Variants in ROBO2 observed in about 807,000 individuals in gnomAD.
ROBO2 encodes the protein roundabout homolog 2.
Under a neutral mutation model 160.8 loss-of-function variants are expected in ROBO2, and 53 were observed. The observed-to-expected ratio is 0.33, with a 90% confidence interval of 0.26 to 0.41. The LOEUF is 0.41. ROBO2 is among the 10% of genes least tolerant of loss of function. The pLI is 1.00. For synonymous variants in ROBO2, 664 were observed against 611.7 expected (o/e 1.09, Z -1.26); for missense variants, 1,577 against 1,722.4 (o/e 0.92, Z 1.49).
At chr3:76,401,519 A>G (rs59622449) in intron 2 of ROBO2, among the ~76,000 whole-genome samples, 2 of 151,736 alleles carry the variant, frequency 1.3e-5, no homozygotes, top group East Asian at 1.9e-4. Flanking sequence ...AACAAAGGCA[A>G]TGAAGGTGAT....
chr3:77,295,078 A>G (rs1459128525), intron 2 of ROBO2, among the ~76,000 whole-genome samples: 3 of 151,420 alleles, frequency 2.0e-5, no homozygotes, highest in African/African-American at 7.3e-5. Flanking sequence ...CTAGAGCACT[A>G]AAGACATAAA....
intron 2 of ROBO2, among the ~76,000 whole-genome samples, chr3:77,464,454 G>T (rs1187860673): frequency 6.6e-6 from 1 of 152,132 alleles, no homozygotes; most frequent in Non-Finnish European, 1.5e-5. Flanking sequence ...CTGAAGAAAG[G>T]CCTGAGGAAA....
chr3:76,370,744 C>T (rs1324085161), intron 2 of ROBO2, among the ~76,000 whole-genome samples: 1 of 151,852 alleles, frequency 6.6e-6, no homozygotes, highest in Non-Finnish European at 1.5e-5. Flanking sequence ...TCTAGGGCAG[C>T]AACAAAAATA....
At chr3:77,584,930 A>G (rs536066361) in intron 16 of ROBO2, among the ~76,000 whole-genome samples, 6 of 149,560 alleles carry the variant, frequency 4.0e-5, no homozygotes, top group Non-Finnish European at 8.9e-5. Flanking sequence ...ATACATATAT[A>G]TACATATATA....
In ROBO2 at chr3:76,349,939, T is replaced by C. The variant is rs138159634; in HGVS notation, c.109+412337T>C. Among the ~76,000 whole-genome samples, 22 of 152,192 alleles carry C rather than the reference T, an allele frequency of 1.4e-4. No individual in the cohort carries two copies. The East Asian group carries it at 4.1e-3, about 28-fold the overall frequency. ...TCCAGAGGGAGACAGTATCTTTAGC[T>C]TCAAAGGCTATGAGCAAACCTGCCC... On this transcript the variant is annotated intron_variant, in intron 2 of 26. Coordinates refer to the ROBO2 transcript ENST00000487694.
At position 77,135,556 on chromosome 3, in the gene ROBO2, A is replaced by ATATCC. The variant is rs2076212571; in HGVS notation, c.388+37217_388+37221dup. Among the ~76,000 whole-genome samples the ATATCC allele has an allele frequency of 3.3e-5, 5 of 151,742 alleles. No homozygotes were observed. In the South Asian group the frequency reaches 6.3e-4, roughly 19 times the overall value. ...GCTGGGATTACAGGCATGTGCCACC[A>ATATCC]TATCCGGCTAATTTTTTTTTTTTTG... On this transcript the variant is annotated intron_variant, in intron 2 of 25. Transcript: ENST00000461745.
intron 2 of ROBO2, among the ~76,000 whole-genome samples, chr3:77,430,810 C>T (rs560780553): frequency 4.6e-5 from 7 of 152,216 alleles, no homozygotes; most frequent in African/African-American, 1.7e-4. Flanking sequence ...GCAACCAGAG[C>T]AAACTAAGAT....
At position 76,876,668 on chromosome 3, in the gene ROBO2, C is replaced by A. The variant is rs145445806; in HGVS notation, c.110-221346C>A. ...CCAGCCTGGGTGACAGAATGAGACT[C>A]TGTCTCAAGAAAAAAAAAAAAGAGT... On this transcript the variant is annotated intron_variant, in intron 2 of 26. Coordinates refer to the ROBO2 transcript ENST00000487694. 6.0e-5 allele frequency among the ~76,000 whole-genome samples: 9 copies of A among 150,606 alleles called. No individual in the cohort carries two copies. The East Asian group carries it at 1.8e-3, about 29-fold the overall frequency.
chr3:77,381,359 G>C (rs1227275808), intron 2 of ROBO2, among the ~76,000 whole-genome samples: 2 of 151,900 alleles, frequency 1.3e-5, no homozygotes, highest in Non-Finnish European at 2.9e-5. Context: ...TACACTTCCT[G>C]TTTCCATAGA....
rs950583966 is a variant in ROBO2, at chr3:76,737,314, G to GT, written c.110-360689dup. 8.4e-3 allele frequency among the ~76,000 whole-genome samples: 1,220 copies of GT among 145,664 alleles called. 18 individuals are homozygous for GT. Among genetic ancestry groups the GT allele is most frequent in the African/African-American group, 0.025 (989 of 40,070 alleles). ...ACATTGGTCTTTTTATTATTCACAAGTTTTTTTTTTTCTGGTATTTTCTGT... is the reference window on the plus strand; with the variant it reads ...ACATTGGTCTTTTTATTATTCACAAGTTTTTTTTTTTTCTGGTATTTTCTGT... On this transcript the variant is annotated intron_variant, in intron 2 of 26. Transcript: ENST00000487694.
chr3:77,386,448 CTG>C (rs2074106763), intron 2 of ROBO2, among the ~76,000 whole-genome samples: 1 of 152,008 alleles, frequency 6.6e-6, no homozygotes, highest in Non-Finnish European at 1.5e-5. Flanking sequence ...GTAATTCAGA[CTG>C]TGAAAATTAA....
chr3:76,271,968 T>C (rs1707458909), intron 2 of ROBO2, among the ~76,000 whole-genome samples: 1 of 152,170 alleles, frequency 6.6e-6, no homozygotes, highest in African/African-American at 2.4e-5. Flanking sequence ...TCTAGTTGTC[T>C]CTTTTTCTGA....
intron 2 of ROBO2, among the ~76,000 whole-genome samples, chr3:76,565,381 G>A (rs1035295256): frequency 1.9e-4 from 29 of 152,080 alleles, no homozygotes; most frequent in African/African-American, 6.8e-4. Flanking sequence ...ACTGACATAC[G>A]ATAGCCACAG....
In ROBO2 at chr3:76,634,207, C is replaced by T. The variant is rs141004369; in HGVS notation, c.110-463807C>T. On this transcript the variant is annotated intron_variant, in intron 2 of 26. Coordinates refer to the ROBO2 transcript ENST00000487694. The stretch of plus-strand genomic sequence containing the variant: ...GATAGCTGCCTTCTCACTGTGTCCT[C>T]ACATGGTCTTCCTTCTGTGCTCCTG... Among the ~76,000 whole-genome samples the T allele has an allele frequency of 1.0e-3, 152 of 152,332 alleles. 3 individuals carry two copies. The highest frequency in any genetic ancestry group is 3.5e-3 in the African/African-American group (147 of 41,572).
intron 2 of ROBO2, among the ~76,000 whole-genome samples, chr3:76,510,852 A>G (rs2081050712): frequency 6.6e-6 from 1 of 152,196 alleles, no homozygotes; most frequent in Admixed American, 6.5e-5. Flanking sequence ...TTCTCAATGA[A>G]CACATGCCAC....
intron 2 of ROBO2, among the ~76,000 whole-genome samples, chr3:76,527,585 T>C (rs2082013790): frequency 6.6e-6 from 1 of 152,144 alleles, no homozygotes; most frequent in Admixed American, 6.6e-5. Context: ...GCTTTGTGAG[T>C]GCCTACTATA....
At chr3:77,277,157 CTTCTTTCTTTCTTTCTTTCTTTCTTTCT>C (rs758551962) in intron 2 of ROBO2, among the ~76,000 whole-genome samples, 1 of 88,138 alleles carries the variant, frequency 1.1e-5, no homozygotes, top group Non-Finnish European at 2.3e-5. Flanking sequence ...TCCTTCTTTC[CTTCTTTCTTTCTTTCTTTCTTTCTTTCT>C]TTCTTTCTTT....
chr3:76,939,793 G>A (rs2078035454), intron 2 of ROBO2, among the ~76,000 whole-genome samples: 1 of 151,848 alleles, frequency 6.6e-6, no homozygotes, highest in Non-Finnish European at 1.5e-5. Flanking sequence ...AAAAAAATAA[G>A]TAAATAAATC....
At chr3:76,548,998 T>A (rs1669683638) in intron 2 of ROBO2, among the ~76,000 whole-genome samples, 1 of 152,122 alleles carries the variant, frequency 6.6e-6, no homozygotes, top group Admixed American at 6.6e-5. Flanking sequence ...TATATATAAT[T>A]ATTATTGTAG....
Sources: allele counts gnomAD v4.1 joint callset (sites outside exome capture counted in the v4.1 genomes callset), GRCh38; gene constraint gnomAD v4.1.1; transcripts MANE v1.5; gene names NCBI Gene and HGNC (gene_info 2026-07-23, HGNC 2026-07-21).